Variants in CENPU observed in about 807,000 individuals in gnomAD.
CENPU encodes the protein KSHV latent nuclear antigen interacting protein 1.
CENPU carries 46 observed loss-of-function variants against 56.7 expected under a neutral mutation model. The ratio of observed to expected loss-of-function variants is 0.81; its 90% confidence interval spans 0.64 to 1.04. CENPU has a LOEUF of 1.04. CENPU is among the 50% of genes least tolerant of loss of function. The pLI is 0.00. For missense variants in CENPU, 510 were observed against 490.1 expected (o/e 1.04, Z -0.38); for synonymous variants, 166 against 163.0 (o/e 1.02, Z -0.14).
At chr4:184,731,507 T>C (rs1345205081) in intron 1 of CENPU, among the ~76,000 whole-genome samples, 1 of 152,204 alleles carries the variant, frequency 6.6e-6, no homozygotes, top group Admixed American at 6.5e-5. Flanking sequence ...TAAAGTTGTA[T>C]ATATATCTTC....
intron 4 of CENPU, among the ~76,000 whole-genome samples, chr4:184,724,237 G>A (rs1031084918): frequency 6.6e-6 from 1 of 152,076 alleles, no homozygotes; most frequent in Non-Finnish European, 1.5e-5. Flanking sequence ...CTGCACTCCA[G>A]CGTGGGCAAC....
In CENPU at chr4:184,716,574, T is replaced by C; in HGVS notation, c.441A>G (p.Thr147=). 1 of 1,614,240 alleles carries C rather than the reference T, an allele frequency of 6.2e-7. No homozygotes were observed. The highest frequency in any genetic ancestry group is 2.2e-5 in the East Asian group (1 of 44,884). Residue 147 remains threonine (T), a synonymous_variant, in exon 6 of 13, where the codon ACA becomes ACG. Coordinates refer to ENST00000281453, the MANE Select transcript of CENPU (RefSeq NM_024629.4). ...TCTCTGCTGATTTAACTTTTCTCCTTGTATCACTTTCTTCAATGCTTTCAG... is the reference window on the plus strand; with the variant it reads ...TCTCTGCTGATTTAACTTTTCTCCTCGTATCACTTTCTTCAATGCTTTCAG... ...DDSESIEESD[T]RRKVKSAEKI... is the part of the protein sequence containing the mutation.
rs955752558 is a variant in CENPU at position 184,707,333 on chromosome 4, C to T, written c.797+2739G>A. Among the ~76,000 whole-genome samples the T allele has an allele frequency of 1.6e-4, 23 of 145,642 alleles. 1 individual carries two copies. The highest frequency in any genetic ancestry group is 6.5e-4 in the African/African-American group (23 of 35,540). ...ACTGACTCCTGCCTCTTCCCATCAC[C>T]GATCTCATCAATAGTGTGCCTGCTC... On this transcript the variant is annotated intron_variant, in intron 8 of 12. Coordinates refer to ENST00000281453, the MANE Select transcript of CENPU (RefSeq NM_024629.4).
chr4:184,730,451 A>G (rs1000441852), intron 2 of CENPU, among the ~76,000 whole-genome samples: 1 of 150,384 alleles, frequency 6.6e-6, no homozygotes, highest in African/African-American at 2.5e-5. Context: ...GTGAGATTAC[A>G]ATGTCAATCA....
At chr4:184,718,903 C>T (rs1401358) in intron 4 of CENPU, among the ~76,000 whole-genome samples, 27,109 of 152,024 alleles carry the variant, frequency 0.18, 2,720 homozygotes, top group African/African-American at 0.26. Context: ...TAGAGAAATA[C>T]GGCCAATGTG....
chr4:184,718,204 C>G (rs1205929502), intron 4 of CENPU, among the ~76,000 whole-genome samples: 1 of 152,194 alleles, frequency 6.6e-6, no homozygotes, highest in African/African-American at 2.4e-5. Flanking sequence ...GTAAGCACAG[C>G]AAGGGTCTGG....
chr4:184,730,992 A>G, intron 1 of CENPU, 24 bp from the exon 2 acceptor site: 1 of 1,549,750 alleles, frequency 6.5e-7, no homozygotes, highest in Non-Finnish European at 8.7e-7. Context: ...AAAAAACACA[A>G]GAGTTAGGAA....
At chr4:184,708,527 G>C (rs1330341446) in intron 8 of CENPU, among the ~76,000 whole-genome samples, 1 of 148,326 alleles carries the variant, frequency 6.7e-6, no homozygotes, top group Non-Finnish European at 1.5e-5. Context: ...TGAAATTTAA[G>C]AATATCAAAG....
intron 3 of CENPU, among the ~76,000 whole-genome samples, chr4:184,728,095 C>G (rs1761519555): frequency 6.6e-6 from 1 of 152,080 alleles, no homozygotes; most frequent in Admixed American, 6.5e-5. Flanking sequence ...AATTAAAAAC[C>G]AATGACATGT....
Position 184,716,418 on chromosome 4 carries a change from G to A in CENPU, c.597C>T (p.Asn199=), listed in dbSNP as rs992540337. The A allele has an allele frequency of 3.7e-6, 6 of 1,613,766 alleles. No homozygotes were observed. Among genetic ancestry groups the A allele is most frequent in the Middle Eastern group, 3.3e-4 (2 of 6,080 alleles). The change falls in exon 6 of 13, where the codon AAC becomes AAT. Residue 199 remains asparagine (N), a synonymous_variant. Coordinates refer to ENST00000281453, the MANE Select transcript of CENPU (RefSeq NM_024629.4). ...TTACCGATTGACTTTCTATTGCCAA[G>A]TTCTCTTTTTCAACAGAGGGCTGGG... ...LSAQPSVEKE[N]LAIESQSKTQ... is the part of the protein sequence containing the mutation.
intron 8 of CENPU, among the ~76,000 whole-genome samples, chr4:184,705,286 G>A (rs1760687124): frequency 6.6e-6 from 1 of 152,138 alleles, no homozygotes; most frequent in African/African-American, 2.4e-5. Context: ...AATCTCCAAG[G>A]CATTATGCTG....
chr4:184,700,576 G>C (rs1760500220), intron 11 of CENPU, among the ~76,000 whole-genome samples: 2 of 152,190 alleles, frequency 1.3e-5, no homozygotes, highest in Admixed American at 1.3e-4. Context: ...CTGAATTCTA[G>C]AATCTAGGCA....
Position 184,702,352 on chromosome 4 carries a change from C to A in CENPU, c.876+11G>T, listed in dbSNP as rs928319069. On this transcript the variant is annotated intron_variant, in intron 9 of 12. Coordinates refer to ENST00000281453, the MANE Select transcript of CENPU (RefSeq NM_024629.4). ...AACCTTAGACCAACAAATGCATGTCCGTGAGCTTACCATTTTGATGAATTG... is the reference window on the plus strand; with the variant it reads ...AACCTTAGACCAACAAATGCATGTCAGTGAGCTTACCATTTTGATGAATTG... The A allele has an allele frequency of 6.2e-7, 1 of 1,609,856 alleles. No homozygotes were observed. The highest frequency in any genetic ancestry group is 1.1e-5 in the South Asian group (1 of 89,912).
At chr4:184,711,576 CCTAA>C (rs757086221) in intron 7 of CENPU, among the ~76,000 whole-genome samples, 67 of 152,158 alleles carry the variant, frequency 4.4e-4, no homozygotes, top group Non-Finnish European at 7.6e-4. Context: ...ACTAGCCTCC[CCTAA>C]CTATTTTAAA....
At chr4:184,725,100 C>G in intron 3 of CENPU, 38 bp from the exon 4 acceptor site, 1 of 1,381,144 alleles carries the variant, frequency 7.2e-7, no homozygotes, top group African/African-American at 1.4e-5. Flanking sequence ...CTTTAAAAGT[C>G]TGGCTATTTG....
In CENPU at chr4:184,724,951, C is replaced by G. The variant is rs1761403781; in HGVS notation, c.320+6G>C. 6.4e-7 allele frequency: 1 copy of G among 1,563,460 alleles called. No individual in the cohort carries two copies. The highest frequency in any genetic ancestry group is 8.8e-7 in the Non-Finnish European group (1 of 1,137,130). On this transcript the variant is annotated splice_donor_region_variant and intron_variant, in intron 4 of 12. Transcript: ENST00000281453. ...GAATAAACAATTGCTTGAAATACAC[C>G]AGTACCTTCTTTTTGCTTCTTTTCC...
At chr4:184,716,695 G>T in intron 5 of CENPU, 62 bp from the exon 6 acceptor site, 1 of 1,264,568 alleles carries the variant, frequency 7.9e-7, no homozygotes, top group Non-Finnish European at 1.1e-6. Context: ...AATTCTTACT[G>T]TAATAGTAGA....
chr4:184,703,692 C>T lies in CENPU; in HGVS notation c.798-1251G>A, dbSNP rs578254403. Among the ~76,000 whole-genome samples the T allele has an allele frequency of 5.9e-5, 9 of 152,292 alleles. No homozygotes were observed. In the South Asian group the frequency reaches 1.4e-3, roughly 25 times the overall value. ...TACACAAAAGAATTGAAAGCACGGA[C>T]TTGAATATCAATTGTACACCAATGT... is the stretch of plus-strand genomic sequence containing the variant. On this transcript the variant is annotated intron_variant, in intron 8 of 12. Transcript: ENST00000281453.
chr4:184,696,762 T>C (rs1481392674), intron 12 of CENPU, among the ~76,000 whole-genome samples: 2 of 151,776 alleles, frequency 1.3e-5, no homozygotes, highest in African/African-American at 4.8e-5. Context: ...AACATTTCTA[T>C]TAATCTGAGG....
Sources: allele counts gnomAD v4.1 joint callset (sites outside exome capture counted in the v4.1 genomes callset), GRCh38; gene constraint gnomAD v4.1.1; transcripts MANE v1.5; gene names NCBI Gene and HGNC (gene_info 2026-07-23, HGNC 2026-07-21).